Variants in KCNAB1 observed in about 807,000 individuals in gnomAD.
KCNAB1 encodes the protein potassium voltage-gated channel subfamily A regulatory beta subunit 1.
Under a neutral mutation model 64.6 loss-of-function variants are expected in KCNAB1, and 35 were observed. The ratio of observed to expected loss-of-function variants is 0.54; its 90% CI spans 0.41 to 0.72. The LOEUF is 0.72. KCNAB1 is among the 30% of genes least tolerant of loss of function. KCNAB1 has a pLI of 0.00. For synonymous variants in KCNAB1, 177 were observed against 183.8 expected, an observed-to-expected ratio of 0.96 and a Z score of 0.30; for missense variants, 401 against 512.9, an observed-to-expected ratio of 0.78 and a Z score of 2.11.
At chr3:156,459,381 G>A (rs568743940) in intron 4 of KCNAB1, among the ~76,000 whole-genome samples, 10 of 152,150 alleles carry the variant, frequency 6.6e-5, no homozygotes, top group African/African-American at 2.4e-4. Context: ...CCCACACATC[G>A]GTTCTCAGTT....
chr3:156,146,855 G>A (rs1198982860), intron 1 of KCNAB1, among the ~76,000 whole-genome samples: 2 of 152,192 alleles, frequency 1.3e-5, no homozygotes, highest in Non-Finnish European at 2.9e-5. Context: ...AAAAACAGGT[G>A]GCAGGCTGGG....
At chr3:156,458,399 G>C (rs1712622432) in intron 4 of KCNAB1, among the ~76,000 whole-genome samples, 1 of 152,220 alleles carries the variant, frequency 6.6e-6, no homozygotes, top group Non-Finnish European at 1.5e-5. Flanking sequence ...TAGCTGCCCA[G>C]CTGTTTGAAC....
intron 1 of KCNAB1, among the ~76,000 whole-genome samples, chr3:156,154,198 G>A (rs1715579360): frequency 6.6e-6 from 1 of 152,062 alleles, no homozygotes. Flanking sequence ...GCTGATTACA[G>A]TCTGACTAAG....
At chr3:156,305,160 T>C (rs1408343854) in intron 1 of KCNAB1, among the ~76,000 whole-genome samples, 2 of 152,178 alleles carry the variant, frequency 1.3e-5, no homozygotes, top group African/African-American at 4.8e-5. Context: ...ATACCTGAAG[T>C]ACCAATTACT....
rs932504848 is a variant in KCNAB1, at chr3:156,227,708, T to C, written c.275+106822T>C. 3 of 152,250 alleles carry C rather than the reference T, an allele frequency of 2.0e-5. No individual in the cohort carries two copies. In the South Asian group the frequency reaches 6.2e-4, roughly 31 times the overall value. The allele number at this position is 152,250 out of a possible 1,614,324, so 9.4% of individuals were successfully genotyped here. A position where few individuals can be genotyped will look rare whatever the true frequency, so the allele number is the denominator to read the frequency against. The stretch of plus-strand genomic sequence containing the variant: ...ACTCACCAAATGATTCTCCTCTTCA[T>C]GTAACAGGCTCAAGGCCCCCACTAG... On this transcript the variant is annotated intron_variant, in intron 1 of 13. Transcript: ENST00000490337.
chr3:156,317,125 G>C lies in KCNAB1; in HGVS notation c.276-104491G>C, dbSNP rs558138076. Among the ~76,000 whole-genome samples, 3 of 152,222 alleles carry C rather than the reference G, an allele frequency of 2.0e-5. No homozygotes were observed. In the East Asian group the frequency reaches 5.8e-4, roughly 29 times the overall value. ...TCAGGGAGATATTTTTAGAATCTTG[G>C]CTGAAAAGAACCGACTTTGATCTGC... On this transcript the variant is annotated intron_variant, in intron 1 of 13. Coordinates refer to ENST00000490337, the MANE Select transcript of KCNAB1 (RefSeq NM_172160.3).
At chr3:156,178,664 A>G (rs1019724831) in intron 1 of KCNAB1, among the ~76,000 whole-genome samples, 1 of 152,250 alleles carries the variant, frequency 6.6e-6, no homozygotes, top group African/African-American at 2.4e-5. Flanking sequence ...TGGTAGGTAC[A>G]GAATGAATGC....
At chr3:156,118,787 C>T (rs1165766057), upstream of KCNAB1, among the ~76,000 whole-genome samples, 1 of 152,188 alleles carries the variant, frequency 6.6e-6, no homozygotes, top group Admixed American at 6.5e-5. Context: ...GCAGAGCCCC[C>T]CATTGAAACA....
chr3:156,239,804 ATCT>A (rs1717061094), intron 1 of KCNAB1, among the ~76,000 whole-genome samples: 1 of 152,178 alleles, frequency 6.6e-6, no homozygotes, highest in African/African-American at 2.4e-5. Flanking sequence ...AGAAAACTCC[ATCT>A]TCTTCATCTT....
intron 8 of KCNAB1, among the ~76,000 whole-genome samples, chr3:156,495,234 G>C (rs981307383): frequency 3.9e-5 from 6 of 152,018 alleles, no homozygotes; most frequent in Non-Finnish European, 8.8e-5. Flanking sequence ...AGTATTCCAT[G>C]GTATGTGAGG....
intron 1 of KCNAB1, among the ~76,000 whole-genome samples, chr3:156,301,376 A>G (rs1212875454): frequency 6.6e-6 from 1 of 152,088 alleles, no homozygotes; most frequent in Non-Finnish European, 1.5e-5. Flanking sequence ...TTGACTCACT[A>G]CTCAATTTCC....
At chr3:156,174,415 A>C (rs1407607492) in intron 1 of KCNAB1, among the ~76,000 whole-genome samples, 1 of 152,226 alleles carries the variant, frequency 6.6e-6, no homozygotes, top group African/African-American at 2.4e-5. Flanking sequence ...ATTCAGCAGG[A>C]GGAGCTCTTT....
intron 1 of KCNAB1, among the ~76,000 whole-genome samples, chr3:156,128,207 C>T (rs1479973113): frequency 6.6e-6 from 1 of 152,118 alleles, no homozygotes; most frequent in African/African-American, 2.4e-5. Flanking sequence ...ATCAGTGCTC[C>T]TCTGTAAAAT....
intron 1 of KCNAB1, among the ~76,000 whole-genome samples, chr3:156,383,460 C>T (rs1467385125): frequency 6.6e-6 from 1 of 152,144 alleles, no homozygotes; most frequent in Non-Finnish European, 1.5e-5. Flanking sequence ...TCAATCCACT[C>T]TTAGGATAAA....
intron 1 of KCNAB1, among the ~76,000 whole-genome samples, chr3:156,342,038 C>A (rs6441060): frequency 0.11 from 16,872 of 152,198 alleles, 2,983 homozygotes; most frequent in African/African-American, 0.37. Context: ...ACCTCCTACA[C>A]CACCTCTATG....
At chr3:156,181,249 A>G (rs1397457869) in intron 1 of KCNAB1, among the ~76,000 whole-genome samples, 1 of 152,212 alleles carries the variant, frequency 6.6e-6, no homozygotes, top group African/African-American at 2.4e-5. Context: ...CCCATGACAG[A>G]TGGGTAAACT....
chr3:156,136,076 C>T (rs1403092355), intron 1 of KCNAB1, among the ~76,000 whole-genome samples: 1 of 152,152 alleles, frequency 6.6e-6, no homozygotes, highest in African/African-American at 2.4e-5. Flanking sequence ...CTAAGTCTCC[C>T]ACGTATAACT....
chr3:156,173,825 T>C (rs1232144205), intron 1 of KCNAB1, among the ~76,000 whole-genome samples: 1 of 152,202 alleles, frequency 6.6e-6, no homozygotes, highest in Admixed American at 6.5e-5. Context: ...GTGAAGCAGA[T>C]TGCCCTTCCT....
chr3:156,482,576 T>C (rs906201011), intron 8 of KCNAB1, among the ~76,000 whole-genome samples: 1 of 152,028 alleles, frequency 6.6e-6, no homozygotes, highest in East Asian at 1.9e-4. Context: ...GGAAAATAGC[T>C]TGGACTCCTC....
Sources: allele counts gnomAD v4.1 joint callset (sites outside exome capture counted in the v4.1 genomes callset), GRCh38; gene constraint gnomAD v4.1.1; transcripts MANE v1.5; gene names NCBI Gene and HGNC (gene_info 2026-07-23, HGNC 2026-07-21).